Variants in BARD1 observed in about 807,000 individuals in gnomAD.
BARD1 encodes BRCA1 associated RING domain 1, also known as BRCA1-associated RING domain protein 1.
Under a neutral mutation model 77.0 loss-of-function variants are expected in BARD1, and 73 were observed. That is an observed-to-expected ratio of 0.95 (90% CI 0.79 to 1.15). The LOEUF is 1.15. BARD1 is among the 50% of genes most tolerant of loss of function. BARD1 has a pLI of 0.00. For synonymous variants in BARD1, 384 were observed against 338.0 expected (o/e 1.14, Z -1.49); for missense variants, 993 against 938.8 (o/e 1.06, Z -0.75).
chr2:214,780,510 C>T, intron 4 of BARD1, 50 bp downstream of exon 4: 1 of 1,526,722 alleles, frequency 6.5e-7, no homozygotes, highest in Non-Finnish European at 9.1e-7. Flanking sequence ...AAAGAAATTG[C>T]TTTATAGTTG....
chr2:214,752,529 T>C lies in BARD1; in HGVS notation c.1595A>G (p.Asp532Gly). 6.2e-7 allele frequency: 1 copy of C among 1,613,770 alleles called. No homozygotes were observed. Among genetic ancestry groups the C allele is most frequent in the Non-Finnish European group, 8.5e-7 (1 of 1,179,762 alleles). The change falls in exon 7 of 11, where the codon GAT (aspartate) becomes GGT (glycine). Residue 532 changes from aspartate to glycine, a missense_variant. Asp to Gly is a moderately conservative substitution (Grantham distance 94, BLOSUM62 -1). Transcript: ENST00000260947. ...TTTCATACTTTCATCATCTGTATAA[T>C]CGACAGGCCGCAGACCAAATATATT... is the stretch of plus-strand genomic sequence containing the variant. ...AVNIFGLRPV[D>G]YTDDESMKSL...
intron 2 of BARD1, among the ~76,000 whole-genome samples, chr2:214,794,267 A>AT (rs1405175605): frequency 6.6e-6 from 1 of 152,166 alleles, no homozygotes; most frequent in Non-Finnish European, 1.5e-5. Context: ...AAAAATAAAA[A>AT]TAAAAAAGCA....
intron 1 of BARD1, among the ~76,000 whole-genome samples, chr2:214,808,529 C>A (rs1306117075): frequency 6.6e-6 from 1 of 152,134 alleles, no homozygotes; most frequent in Non-Finnish European, 1.5e-5. Context: ...CTTTTGACAG[C>A]TACAAATAAC....
At chr2:214,766,669 G>GT (rs1361229628) in intron 6 of BARD1, among the ~76,000 whole-genome samples, 3 of 152,104 alleles carry the variant, frequency 2.0e-5, no homozygotes, top group African/African-American at 7.2e-5. Context: ...AGATGGCATA[G>GT]TATTTACTTG....
intron 1 of BARD1, among the ~76,000 whole-genome samples, 157 bp downstream of exon 1, chr2:214,809,255 G>A (rs2106170032): frequency 6.6e-6 from 1 of 152,332 alleles, no homozygotes; most frequent in East Asian, 1.9e-4. Flanking sequence ...AGCAGAAGTT[G>A]TTAATACTAT....
chr2:214,764,129 T>C (rs1694087913), intron 6 of BARD1, among the ~76,000 whole-genome samples: 1 of 152,122 alleles, frequency 6.6e-6, no homozygotes, highest in Non-Finnish European at 1.5e-5. Flanking sequence ...ACAGTAAAGG[T>C]AGTGGCAGAA....
At chr2:214,791,952 G>C (rs1365717986) in intron 3 of BARD1, among the ~76,000 whole-genome samples, 1 of 151,964 alleles carries the variant, frequency 6.6e-6, no homozygotes, top group East Asian at 1.9e-4. Flanking sequence ...CACCTCTCTG[G>C]ACCTTGATTT....
At position 214,787,022 on chromosome 2, in the gene BARD1, C is replaced by T. The variant is rs559892468; in HGVS notation, c.364+5275G>A. ...ACTTTTCAAGAAAGACTCAGGATTA[C>T]AAAGTCATAAAGGTTAATCCTCTGA... On this transcript the variant is annotated intron_variant, in intron 3 of 10. Transcript: ENST00000260947. Among the ~76,000 whole-genome samples, 76 of 151,926 alleles carry T rather than the reference C, an allele frequency of 5.0e-4. No homozygotes were observed. The highest frequency in any genetic ancestry group is 8.9e-4 in the African/African-American group (37 of 41,516).
chr2:214,732,966 T>C (rs1050236511), intron 9 of BARD1, among the ~76,000 whole-genome samples: 2 of 152,212 alleles, frequency 1.3e-5, no homozygotes, highest in African/African-American at 4.8e-5. Context: ...GTCCTCTTTA[T>C]AAAATGTTTT....
At chr2:214,754,537 A>T (rs1435527107) in intron 6 of BARD1, among the ~76,000 whole-genome samples, 2 of 152,120 alleles carry the variant, frequency 1.3e-5, no homozygotes, top group African/African-American at 4.8e-5. Flanking sequence ...AACATGAAAA[A>T]CTGTTCAAGT....
At chr2:214,778,210 A>T (rs1345918863) in intron 4 of BARD1, among the ~76,000 whole-genome samples, 1 of 92,854 alleles carries the variant, frequency 1.1e-5, no homozygotes, top group Non-Finnish European at 2.1e-5. Context: ...CCCTCCCCCC[A>T]CCCCCAAAAA....
At chr2:214,780,480 T>A in intron 4 of BARD1, 80 bp downstream of exon 4, 1 of 1,198,106 alleles carries the variant, frequency 8.3e-7, no homozygotes, top group Non-Finnish European at 1.2e-6. Flanking sequence ...AGTAATCCTA[T>A]GCCATTTTTC....
chr2:214,729,811 C>T (rs1692268878), intron 10 of BARD1, among the ~76,000 whole-genome samples: 2 of 152,134 alleles, frequency 1.3e-5, no homozygotes, highest in Admixed American at 1.3e-4. Context: ...TGCCCATCCA[C>T]ATTCAGGTCC....
intron 4 of BARD1, among the ~76,000 whole-genome samples, chr2:214,779,068 T>G (rs1694862584): frequency 6.6e-6 from 1 of 152,172 alleles, no homozygotes; most frequent in Non-Finnish European, 1.5e-5. Context: ...TGTCTAATTT[T>G]GTTAAGTCAG....
intron 6 of BARD1, among the ~76,000 whole-genome samples, chr2:214,754,147 C>T (rs1264909858): frequency 6.6e-6 from 1 of 151,812 alleles, no homozygotes; most frequent in Non-Finnish European, 1.5e-5. Context: ...ATACATATGA[C>T]AATCAAAAAA....
rs1425780137 is a variant in BARD1, at chr2:214,726,360, C to T, written c.*2316G>A. ...AAATAGCCATGAGAATGTGGAAAAGCTACCAGCCTCTCACTTTTAGAGACA... is the reference window on the plus strand; with the variant it reads ...AAATAGCCATGAGAATGTGGAAAAGTTACCAGCCTCTCACTTTTAGAGACA... On this transcript the variant is annotated 3_prime_UTR_variant, in exon 11 of 11. Transcript: ENST00000260947. 1 of 204,704 alleles carries T rather than the reference C, an allele frequency of 4.9e-6. No individual in the cohort carries two copies. The highest frequency in any genetic ancestry group is 1.0e-5 in the Non-Finnish European group (1 of 100,014). 12.7% of individuals were successfully genotyped at this position (204,704 alleles called of 1,614,324 possible).
intron 3 of BARD1, among the ~76,000 whole-genome samples, chr2:214,785,985 CCTT>C (rs571042528): frequency 9.5e-4 from 144 of 151,934 alleles, no homozygotes; most frequent in East Asian, 4.3e-3. Flanking sequence ...TTGTTTTCCT[CCTT>C]AAGTCACTCT....
intron 4 of BARD1, 96 bp from the exon 5 acceptor site, chr2:214,769,408 A>T: frequency 1.0e-6 from 1 of 983,670 alleles, no homozygotes; most frequent in Non-Finnish European, 1.6e-6. Flanking sequence ...TATAAAGTAA[A>T]ACTTAAATCG....
chr2:214,752,697 C>A lies in BARD1; in HGVS notation c.1569-142G>T, dbSNP rs1693515766. ...AGGCAGAAGAATCTAGAATCAAAAG[C>A]TGCTGAACTCAAAGGAGAAATGATG... On this transcript the variant is annotated intron_variant, in intron 6 of 10. Coordinates refer to ENST00000260947, the MANE Select transcript of BARD1 (RefSeq NM_000465.4). The A allele has an allele frequency of 7.1e-6, 5 of 702,238 alleles. No individual in the cohort carries two copies. In the Admixed American group the frequency reaches 8.9e-5, roughly 12 times the overall value. 43.5% of individuals were successfully genotyped at this position (702,238 alleles called of 1,614,324 possible). A position where few individuals can be genotyped will look rare whatever the true frequency, so the allele number is the denominator to read the frequency against.
Sources: gnomAD v4.1 joint callset for allele counts (sites outside exome capture counted in the v4.1 genomes callset) on GRCh38, gnomAD v4.1.1 for gene constraint, MANE v1.5 for transcripts, NCBI Gene and HGNC (gene_info 2026-07-23, HGNC 2026-07-21) for gene names.